KCNK10: variants seen among roughly 807,000 people sequenced by gnomAD.
KCNK10 encodes the protein potassium two pore domain channel subfamily K member 10.
A neutral mutation model predicts 47.7 loss-of-function variants in KCNK10; 25 were observed. The ratio of observed to expected loss-of-function variants is 0.52; its 90% CI spans 0.38 to 0.73. The LOEUF (loss-of-function observed/expected upper bound fraction) is 0.73. KCNK10 is among the 30% of genes least tolerant of loss of function. The probability of loss-of-function intolerance (pLI) is 0.00; values close to 1 mark genes in which losing one functional copy is unlikely to be tolerated. For synonymous variants in KCNK10, 303 were observed against 285.6 expected, an observed-to-expected ratio of 1.06 and a Z score of -0.61; for missense variants, 563 against 714.5, an observed-to-expected ratio of 0.79 and a Z score of 2.42.
chr14:88,301,161 T>C (rs1227608986), intron 1 of KCNK10, among the ~76,000 whole-genome samples: 1 of 152,232 alleles, frequency 6.6e-6, no homozygotes, highest in Non-Finnish European at 1.5e-5. Context: ...GTAGAGGCAT[T>C]GTCAGGACTT....
intron 1 of KCNK10, among the ~76,000 whole-genome samples, chr14:88,264,239 A>T (rs1021629821): frequency 9.2e-5 from 14 of 152,208 alleles, no homozygotes; most frequent in Admixed American, 7.8e-4. Context: ...TGTTCTCTGT[A>T]GGGCAATTTC....
intron 4 of KCNK10, among the ~76,000 whole-genome samples, chr14:88,196,671 G>A (rs145477490): frequency 5.7e-4 from 86 of 152,206 alleles, no homozygotes; most frequent in Non-Finnish European, 7.4e-4. Flanking sequence ...AAGACACTGC[G>A]GTAAAAATCC....
chr14:88,250,668 G>C (rs538182923), intron 2 of KCNK10, among the ~76,000 whole-genome samples: 2 of 152,282 alleles, frequency 1.3e-5, no homozygotes, highest in South Asian at 4.2e-4. Flanking sequence ...AGGGAAATAC[G>C]TAAAGCTTCG....
intron 1 of KCNK10, among the ~76,000 whole-genome samples, chr14:88,269,433 T>C (rs926152974): frequency 3.3e-5 from 5 of 152,258 alleles, no homozygotes; most frequent in African/African-American, 1.2e-4. Context: ...ATGAAGCTGT[T>C]TTTGTTTTGC....
At chr14:88,222,583 T>C (rs1030451046) in intron 4 of KCNK10, among the ~76,000 whole-genome samples, 3 of 152,124 alleles carry the variant, frequency 2.0e-5, no homozygotes, top group African/African-American at 7.2e-5. Flanking sequence ...GTTCATAAAT[T>C]GTAACAAATG....
At chr14:88,269,596 C>T (rs1488693809) in intron 1 of KCNK10, among the ~76,000 whole-genome samples, 1 of 152,028 alleles carries the variant, frequency 6.6e-6, no homozygotes, top group Non-Finnish European at 1.5e-5. Flanking sequence ...GCCACCATGC[C>T]CAACTAATTT....
intron 4 of KCNK10, among the ~76,000 whole-genome samples, chr14:88,206,918 G>C (rs1885292575): frequency 6.6e-6 from 1 of 152,088 alleles, no homozygotes; most frequent in Non-Finnish European, 1.5e-5. Flanking sequence ...AGAACCACTG[G>C]GTGAAGGTAA....
intron 1 of KCNK10, among the ~76,000 whole-genome samples, chr14:88,277,954 A>C (rs548143849): frequency 1.3e-5 from 2 of 152,330 alleles, no homozygotes; most frequent in East Asian, 3.9e-4. Flanking sequence ...CCATGGTCCC[A>C]ATCCCAGTGC....
At chr14:88,225,046 A>T (rs1885939646) in intron 4 of KCNK10, among the ~76,000 whole-genome samples, 1 of 152,268 alleles carries the variant, frequency 6.6e-6, no homozygotes, top group Non-Finnish European at 1.5e-5. Flanking sequence ...CCCCATGAGA[A>T]CTAAAAATTC....
At chr14:88,192,161 G>T in intron 5 of KCNK10, 63 bp downstream of exon 5, 1 of 1,469,262 alleles carries the variant, frequency 6.8e-7, no homozygotes, top group Non-Finnish European at 9.2e-7. Flanking sequence ...ATTGCGAAAA[G>T]CACAGCCAAC....
At chr14:88,286,101 C>A (rs1232387839) in intron 1 of KCNK10, among the ~76,000 whole-genome samples, 1 of 152,162 alleles carries the variant, frequency 6.6e-6, no homozygotes, top group African/African-American at 2.4e-5. Flanking sequence ...CCAACAGCCA[C>A]GCTGAGATCT....
intron 1 of KCNK10, among the ~76,000 whole-genome samples, chr14:88,297,050 C>T (rs1179738914): frequency 6.6e-6 from 1 of 152,150 alleles, no homozygotes; most frequent in Non-Finnish European, 1.5e-5. Flanking sequence ...TACAATAGAA[C>T]ATTTCTCTTG....
chr14:88,241,141 A>T (rs536244263), intron 2 of KCNK10, among the ~76,000 whole-genome samples: 2 of 152,362 alleles, frequency 1.3e-5, no homozygotes, highest in East Asian at 3.9e-4. Context: ...CACACAAAAA[A>T]TGTCTAGAAG....
intron 4 of KCNK10, among the ~76,000 whole-genome samples, chr14:88,213,593 T>TA (rs996687515): frequency 6.6e-6 from 1 of 152,124 alleles, no homozygotes; most frequent in Non-Finnish European, 1.5e-5. Context: ...TGCAAAAATA[T>TA]AAAACCTTTT....
At chr14:88,267,845 G>A (rs1195239847) in intron 1 of KCNK10, among the ~76,000 whole-genome samples, 3 of 152,168 alleles carry the variant, frequency 2.0e-5, no homozygotes, top group Non-Finnish European at 4.4e-5. Flanking sequence ...GGATGGTGGT[G>A]CTGATGGTGG....
At chr14:88,230,053 C>T (rs1474350564) in intron 3 of KCNK10, among the ~76,000 whole-genome samples, 1 of 152,168 alleles carries the variant, frequency 6.6e-6, no homozygotes, top group East Asian at 1.9e-4. Flanking sequence ...CATCAAAAGA[C>T]AAGGCTATTA....
rs67107239 is a variant in KCNK10, at chr14:88,187,632, CA to C, written c.1011+334del. Among the ~76,000 whole-genome samples, 119 of 150,562 alleles carry C rather than the reference CA, an allele frequency of 7.9e-4. 1 individual carries two copies. Among genetic ancestry groups the C allele is most frequent in the African/African-American group, 2.8e-3 (114 of 40,818 alleles). ...ACCGGAAGGACAGGCTGCACCCCCC[CA>C]CACACACACTCAGCCATAGTCTACC... is the stretch of plus-strand genomic sequence containing the variant. On this transcript the variant is annotated intron_variant, in intron 6 of 6. Transcript: ENST00000319231.
chr14:88,210,840 A>C (rs1416318080), intron 4 of KCNK10, among the ~76,000 whole-genome samples: 1 of 151,896 alleles, frequency 6.6e-6, no homozygotes, highest in Non-Finnish European at 1.5e-5. Context: ...AAAAAAAAAA[A>C]AAAACAGAAA....
intron 1 of KCNK10, among the ~76,000 whole-genome samples, chr14:88,294,836 G>A (rs942502325): frequency 7.2e-5 from 11 of 152,074 alleles, no homozygotes; most frequent in African/African-American, 2.4e-4. Flanking sequence ...CCCCTCTCAG[G>A]TATTCTAATA....
Sources: allele counts gnomAD v4.1 joint callset (sites outside exome capture counted in the v4.1 genomes callset), GRCh38; gene constraint gnomAD v4.1.1; transcripts MANE v1.5; gene names NCBI Gene and HGNC (gene_info 2026-07-23, HGNC 2026-07-21).